NAALADL2: variants seen among roughly 807,000 people sequenced by gnomAD.
NAALADL2 encodes the protein inactive N-acetylated-alpha-linked acidic dipeptidase-like protein 2.
NAALADL2 carries 76 observed loss-of-function variants against 87.2 expected under a neutral mutation model. The observed-to-expected ratio is 0.87, with a 90% CI of 0.72 to 1.05. The LOEUF (loss-of-function observed/expected upper bound fraction) is 1.05, where lower values mean the gene tolerates loss of function less well. NAALADL2 is among the 50% of genes least tolerant of loss of function. The pLI, the probability that NAALADL2 is intolerant of heterozygous loss-of-function variation, is 0.00. For synonymous variants in NAALADL2, 354 were observed against 331.0 expected (o/e 1.07, Z -0.75); for missense variants, 1,089 against 945.8 (o/e 1.15, Z -1.99).
intron 4 of NAALADL2, among the ~76,000 whole-genome samples, chr3:175,302,831 T>C (rs1757248580): frequency 6.7e-6 from 1 of 148,490 alleles, no homozygotes; most frequent in African/African-American, 2.5e-5. Flanking sequence ...GAAACGTGTG[T>C]GTATATATGT....
At chr3:174,951,552 A>G (rs1392944437) in intron 1 of NAALADL2, among the ~76,000 whole-genome samples, 2 of 152,024 alleles carry the variant, frequency 1.3e-5, no homozygotes, top group African/African-American at 2.4e-5. Flanking sequence ...TTTAATTTTA[A>G]TTGATAGTAG....
At chr3:174,786,086 A>G (rs1716606755) in intron 3 of NAALADL2, among the ~76,000 whole-genome samples, 1 of 152,104 alleles carries the variant, frequency 6.6e-6, no homozygotes, top group Non-Finnish European at 1.5e-5. Flanking sequence ...CAGGAACTCT[A>G]TTTAAATTAG....
At chr3:175,013,744 C>T (rs1750461294) in intron 1 of NAALADL2, among the ~76,000 whole-genome samples, 1 of 152,004 alleles carries the variant, frequency 6.6e-6, no homozygotes, top group African/African-American at 2.4e-5. Flanking sequence ...CAGAAGCGGC[C>T]CTTCTTTATA....
intron 3 of NAALADL2, among the ~76,000 whole-genome samples, chr3:174,814,106 TTTTTATTTA>T (rs1720519866): frequency 6.6e-6 from 1 of 151,814 alleles, no homozygotes; most frequent in African/African-American, 2.4e-5. Context: ...TATTTATTTA[TTTTTATTTA>T]TTTATTTTTT....
At chr3:174,893,137 G>A (rs1731068595) in intron 1 of NAALADL2, among the ~76,000 whole-genome samples, 1 of 152,142 alleles carries the variant, frequency 6.6e-6, no homozygotes, top group African/African-American at 2.4e-5. Context: ...GGCCAGAAGA[G>A]TGGCATGACA....
chr3:175,186,719 C>T (rs369580875), intron 2 of NAALADL2, among the ~76,000 whole-genome samples: 7 of 152,018 alleles, frequency 4.6e-5, no homozygotes, highest in African/African-American at 1.7e-4. Context: ...GGTCATGTGA[C>T]CTTTTTGTCA....
At position 174,499,757 on chromosome 3, in the gene NAALADL2, A is replaced by G. The variant is rs187363393; in HGVS notation, c.-183-50812A>G. ...CTGTATATGTGGGTCTTTCGTTGGA[A>G]TCTCTCTTTTGTTACATTGATCTAT... On this transcript the variant is annotated intron_variant, in intron 1 of 3. Coordinates refer to the NAALADL2 transcript ENST00000434257. 8.6e-5 allele frequency among the ~76,000 whole-genome samples: 13 copies of G among 151,972 alleles called. No homozygotes were observed. The East Asian group carries it at 2.5e-3, about 29-fold the overall frequency.
rs140157762 is a variant in NAALADL2, at chr3:174,850,869, GA to G, written c.-9+113124del. Among the ~76,000 whole-genome samples the G allele has an allele frequency of 5.6e-3, 849 of 152,020 alleles. 8 individuals carry two copies. Among genetic ancestry groups the G allele is most frequent in the African/African-American group, 0.019 (802 of 41,484 alleles). ...ATAGACCATATATAAGTCCACTAAA[GA>G]TGTCTTAATTTAAAAAAAAACACTG... On this transcript the variant is annotated intron_variant, in intron 3 of 3. Coordinates refer to the NAALADL2 transcript ENST00000434257.
rs34303846 is a variant in NAALADL2 at position 174,853,201 on chromosome 3, C to CAAAAAAAAAA, written c.-9+115473_-9+115482dup. On this transcript the variant is annotated intron_variant, in intron 3 of 3. Transcript: ENST00000434257. ...CAACATGGTGAAACCCCGTCTCTAC[C>CAAAAAAAAAA]AAAAAAAAAAAAAAAAAAAAAAAAA... Among the ~76,000 whole-genome samples, 30 of 45,622 alleles carry CAAAAAAAAAA rather than the reference C, an allele frequency of 6.6e-4. 1 individual carries two copies. The highest frequency in any genetic ancestry group is 9.2e-4 in the Non-Finnish European group (24 of 26,066). 29.9% of individuals were successfully genotyped at this position (45,622 alleles called of 152,430 possible).
chr3:175,224,971 C>A (rs996286276), intron 2 of NAALADL2, among the ~76,000 whole-genome samples: 1 of 152,048 alleles, frequency 6.6e-6, no homozygotes, highest in Non-Finnish European at 1.5e-5. Context: ...ATTTTTGTAA[C>A]CTGACATGTC....
chr3:175,610,865 C>T (rs865856349), intron 10 of NAALADL2, among the ~76,000 whole-genome samples: 71 of 151,816 alleles, frequency 4.7e-4, no homozygotes, highest in African/African-American at 1.5e-3. Context: ...TCATTGTTCT[C>T]GTTTAATAAT....
chr3:175,474,887 A>G (rs1007952568), intron 9 of NAALADL2, among the ~76,000 whole-genome samples: 1 of 152,010 alleles, frequency 6.6e-6, no homozygotes, highest in Admixed American at 6.6e-5. Flanking sequence ...GGAGCCTTCT[A>G]TTCCTCCACC....
At chr3:175,460,274 C>A in intron 6 of NAALADL2, 1 of 441,102 alleles carries the variant, frequency 2.3e-6, no homozygotes, top group Non-Finnish European at 4.5e-6. Context: ...TAAACAGACT[C>A]TATGCATATT....
intron 9 of NAALADL2, among the ~76,000 whole-genome samples, chr3:175,535,941 T>C (rs1416173728): frequency 1.3e-5 from 2 of 152,174 alleles, no homozygotes; most frequent in African/African-American, 4.8e-5. Flanking sequence ...AGTATGTCCA[T>C]TTTTTAGGAG....
Position 174,611,998 on chromosome 3 carries a change from G to C in NAALADL2, c.-115+61361G>C, listed in dbSNP as rs1045342948. ...GATCTTGTGTTGACAAAATCCCTCAGCTTTTCTTTGTCTGAGAAAATCTTT... is the reference window on the plus strand; with the variant it reads ...GATCTTGTGTTGACAAAATCCCTCACCTTTTCTTTGTCTGAGAAAATCTTT... On this transcript the variant is annotated intron_variant, in intron 2 of 3. Transcript: ENST00000434257. 4.6e-5 allele frequency among the ~76,000 whole-genome samples: 7 copies of C among 151,356 alleles called. No homozygotes were observed. The East Asian group carries it at 1.4e-3, about 29-fold the overall frequency.
chr3:175,423,051 A>ATATATATATT (rs1458599872), intron 5 of NAALADL2, among the ~76,000 whole-genome samples: 25 of 91,498 alleles, frequency 2.7e-4, no homozygotes, highest in Middle Eastern at 7.6e-3. Flanking sequence ...ATATATATAT[A>ATATATATATT]TTTTTTTTTT....
intron 11 of NAALADL2, among the ~76,000 whole-genome samples, chr3:175,632,218 T>G (rs1488390944): frequency 6.6e-6 from 1 of 151,616 alleles, no homozygotes; most frequent in African/African-American, 2.4e-5. Context: ...TGATAGTGAA[T>G]GAGTTCTCAC....
chr3:174,599,076 G>C (rs1366379916), intron 2 of NAALADL2, among the ~76,000 whole-genome samples: 5 of 152,084 alleles, frequency 3.3e-5, no homozygotes, highest in Admixed American at 2.0e-4. Flanking sequence ...TAGATGCCTT[G>C]ACAGTGCTTG....
chr3:174,474,662 C>T (rs1289616265), intron 1 of NAALADL2, among the ~76,000 whole-genome samples: 1 of 152,100 alleles, frequency 6.6e-6, no homozygotes, highest in Non-Finnish European at 1.5e-5. Flanking sequence ...GAAGAACCTT[C>T]CACCTTCTTG....
Sources: gnomAD v4.1 joint callset for allele counts (sites outside exome capture counted in the v4.1 genomes callset) on GRCh38, gnomAD v4.1.1 for gene constraint, MANE v1.5 for transcripts, NCBI Gene and HGNC (gene_info 2026-07-23, HGNC 2026-07-21) for gene names.